Variants in RARB observed in about 807,000 individuals in gnomAD.
RARB encodes the protein HBV-activated protein.
A neutral mutation model predicts 51.9 loss-of-function variants in RARB; 17 were observed. That is an observed-to-expected ratio of 0.33 (90% confidence interval 0.22 to 0.49). The LOEUF (loss-of-function observed/expected upper bound fraction) is 0.49, where lower values mean the gene tolerates loss of function less well. RARB is among the 20% of genes least tolerant of loss of function. RARB has a pLI of 0.99. For missense variants in RARB, 369 were observed against 550.8 expected (o/e 0.67, Z 3.30); for synonymous variants, 215 against 195.4 (o/e 1.10, Z -0.84).
chr3:25,075,533 C>T (rs943795815), intron 3 of RARB, among the ~76,000 whole-genome samples: 5 of 152,096 alleles, frequency 3.3e-5, no homozygotes, highest in East Asian at 1.9e-4. Flanking sequence ...ATATTTCCCC[C>T]GCTTTCTCTA....
intron 3 of RARB, among the ~76,000 whole-genome samples, chr3:25,062,212 C>T (rs933439075): frequency 5.3e-5 from 8 of 151,628 alleles, no homozygotes; most frequent in African/African-American, 1.7e-4. Context: ...GAAGAAATAG[C>T]GACGGCCAGT....
At chr3:25,332,177 A>G (rs1704918876) in intron 5 of RARB, among the ~76,000 whole-genome samples, 1 of 152,216 alleles carries the variant, frequency 6.6e-6, no homozygotes, top group South Asian at 2.1e-4. Flanking sequence ...TCATTTTATG[A>G]GGCCAGCATC....
At chr3:24,988,070 C>G (rs757486379) in intron 2 of RARB, among the ~76,000 whole-genome samples, 4 of 151,984 alleles carry the variant, frequency 2.6e-5, no homozygotes, top group Non-Finnish European at 5.9e-5. Context: ...ATGGTTGAAA[C>G]GCTTGCTAGA....
rs1701651977 is a variant in RARB, at chr3:25,210,050, C to T, written c.178+35475C>T. Among the ~76,000 whole-genome samples the T allele has an allele frequency of 2.6e-5, 4 of 152,184 alleles. No individual in the cohort carries two copies. In the South Asian group the frequency reaches 8.3e-4, roughly 31 times the overall value. On this transcript the variant is annotated intron_variant, in intron 5 of 11. Transcript: ENST00000383772. ...ATTCTCAGGTGTCTTTTTACCAACA[C>T]TTTTCTCCTGAGCTGGTTCTATTTT... is the stretch of plus-strand genomic sequence containing the variant.
At chr3:25,395,551 G>A (rs1559383878) in intron 5 of RARB, among the ~76,000 whole-genome samples, 1 of 151,944 alleles carries the variant, frequency 6.6e-6, no homozygotes, top group Admixed American at 6.6e-5. Context: ...TCATAGGTTT[G>A]GTTGTTTAAC....
chr3:25,206,071 T>A (rs1298152080), intron 5 of RARB, among the ~76,000 whole-genome samples: 4 of 152,220 alleles, frequency 2.6e-5, no homozygotes, highest in Admixed American at 2.6e-4. Flanking sequence ...TGACGTATGA[T>A]ATTTTCAACT....
chr3:25,274,442 C>T (rs912907636), intron 5 of RARB, among the ~76,000 whole-genome samples: 2 of 152,142 alleles, frequency 1.3e-5, no homozygotes, highest in African/African-American at 2.4e-5. Flanking sequence ...TCAGGTGTTA[C>T]CTTTATGAAG....
chr3:25,316,201 C>G (rs980825863), intron 5 of RARB, among the ~76,000 whole-genome samples: 23 of 152,078 alleles, frequency 1.5e-4, no homozygotes, highest in African/African-American at 5.6e-4. Context: ...ATCTATGTAT[C>G]TTTATTACAT....
intron 5 of RARB, among the ~76,000 whole-genome samples, chr3:25,308,832 A>G (rs959049454): frequency 7.9e-5 from 12 of 152,164 alleles, no homozygotes; most frequent in African/African-American, 1.2e-4. Context: ...CTCTTTAGCA[A>G]TCCAGTCATG....
chr3:25,040,600 G>C (rs1475138383), intron 2 of RARB, among the ~76,000 whole-genome samples: 1 of 151,946 alleles, frequency 6.6e-6, no homozygotes, highest in Non-Finnish European at 1.5e-5. Flanking sequence ...AGGCATGGTG[G>C]TGCATGCCTA....
chr3:25,205,735 AT>A (rs1288090371), intron 5 of RARB, among the ~76,000 whole-genome samples: 1 of 151,422 alleles, frequency 6.6e-6, no homozygotes, highest in Non-Finnish European at 1.5e-5. Flanking sequence ...ATAAAAACAA[AT>A]ATTAAAAACC....
intron 2 of RARB, among the ~76,000 whole-genome samples, chr3:24,991,540 C>G (rs116061173): frequency 1.0e-3 from 158 of 152,058 alleles, no homozygotes; most frequent in African/African-American, 3.7e-3. Flanking sequence ...TATTATTGCA[C>G]TGTAGTAAAC....
intron 3 of RARB, among the ~76,000 whole-genome samples, chr3:25,505,070 C>T (rs1575468529): frequency 1.3e-5 from 2 of 152,234 alleles, no homozygotes; most frequent in Admixed American, 1.3e-4. Context: ...TGAGCCACCG[C>T]GCCTGGCCTG....
intron 2 of RARB, among the ~76,000 whole-genome samples, chr3:24,943,436 A>G (rs1006886031): frequency 6.6e-6 from 1 of 152,150 alleles, no homozygotes; most frequent in Non-Finnish European, 1.5e-5. Flanking sequence ...ACGGCATGCT[A>G]AAAAAGATTC....
intron 3 of RARB, among the ~76,000 whole-genome samples, chr3:25,514,773 G>A (rs183549470): frequency 1.6e-3 from 249 of 152,308 alleles, no homozygotes; most frequent in South Asian, 4.3e-3. Context: ...CAAAGGGAAA[G>A]ATAAAAGTTG....
rs190412208 is a variant in RARB at position 25,168,235 on chromosome 3, T to A, written c.-279-5884T>A. On this transcript the variant is annotated intron_variant, in intron 4 of 11. Transcript: ENST00000383772. ...TTTTTTTTGTCTTTTTCTTTTTCTTTTTTGAGATGGAGTGTTGCTCTGTTG... is the reference window on the plus strand; with the variant it reads ...TTTTTTTTGTCTTTTTCTTTTTCTTATTTGAGATGGAGTGTTGCTCTGTTG... Among the ~76,000 whole-genome samples the A allele has an allele frequency of 7.9e-5, 12 of 152,266 alleles. No individual in the cohort carries two copies. The East Asian group carries it at 1.9e-3, about 24-fold the overall frequency.
intron 5 of RARB, among the ~76,000 whole-genome samples, chr3:25,353,159 GA>G (rs57341415): frequency 0.035 from 5,398 of 152,170 alleles, 347 homozygotes; most frequent in African/African-American, 0.12. Context: ...CATGATAACA[GA>G]GTTCCTATAG....
At chr3:25,334,558 T>C in intron 5 of RARB, among the ~76,000 whole-genome samples, 1 of 152,106 alleles carries the variant, frequency 6.6e-6, no homozygotes, top group Non-Finnish European at 1.5e-5. Flanking sequence ...AAGGATAGCA[T>C]TAGGAGATAT....
chr3:25,384,062 CAG>C (rs1275735993), intron 5 of RARB, among the ~76,000 whole-genome samples: 2 of 151,840 alleles, frequency 1.3e-5, no homozygotes, highest in Non-Finnish European at 2.9e-5. Flanking sequence ...AAGAAAAAAA[CAG>C]AAACATAATT....
Sources: allele counts gnomAD v4.1 joint callset (sites outside exome capture counted in the v4.1 genomes callset), GRCh38; gene constraint gnomAD v4.1.1; transcripts MANE v1.5; gene names NCBI Gene and HGNC (gene_info 2026-07-23, HGNC 2026-07-21).